Variants in EGFLAM observed in about 807,000 individuals in gnomAD.
EGFLAM encodes EGF like, fibronectin type III and laminin G domains.
In EGFLAM, 79 loss-of-function variants were observed where a neutral mutation model predicts 113.1. The observed-to-expected ratio is 0.70, with a 90% CI of 0.58 to 0.84. The LOEUF (loss-of-function observed/expected upper bound fraction) is 0.84, where lower values mean the gene tolerates loss of function less well. Ranked by LOEUF, EGFLAM falls within the 40% of genes least tolerant of loss-of-function variation. The pLI, the probability that EGFLAM is intolerant of heterozygous loss-of-function variation, is 0.00. For missense variants in EGFLAM, 1,265 were observed against 1,291.6 expected (o/e 0.98, Z 0.32); for synonymous variants, 504 against 487.6 (o/e 1.03, Z -0.44).
Position 38,418,055 on chromosome 5 carries a change from C to G in EGFLAM, c.1495-11C>G. ...AGTGAGAGTATTCATGAGTGGTCAT[C>G]TTTCTTAAAGGGCCAATACAGTAAA... is the stretch of plus-strand genomic sequence containing the variant. On this transcript the variant is annotated splice_polypyrimidine_tract_variant and intron_variant, in intron 11 of 21. Coordinates refer to ENST00000322350, the MANE Select transcript of EGFLAM (RefSeq NM_152403.4). The G allele has an allele frequency of 6.2e-7, 1 of 1,604,740 alleles. No homozygotes were observed. Among genetic ancestry groups the G allele is most frequent in the Non-Finnish European group, 8.5e-7 (1 of 1,174,584 alleles).
At chr5:38,354,703 C>T (rs1000031020) in intron 5 of EGFLAM, among the ~76,000 whole-genome samples, 5 of 152,144 alleles carry the variant, frequency 3.3e-5, no homozygotes, top group African/African-American at 1.2e-4. Context: ...GCACTCTAGC[C>T]TGGAGGACAG....
At chr5:38,279,931 G>C (rs898227636) in intron 1 of EGFLAM, among the ~76,000 whole-genome samples, 2 of 152,014 alleles carry the variant, frequency 1.3e-5, no homozygotes, top group Non-Finnish European at 2.9e-5. Flanking sequence ...AGATTTAACC[G>C]TTCCACAATG....
At chr5:38,351,490 C>T (rs1409493180) in intron 4 of EGFLAM, among the ~76,000 whole-genome samples, 1 of 152,146 alleles carries the variant, frequency 6.6e-6, no homozygotes, top group African/African-American at 2.4e-5. Context: ...CGGAGGCTTT[C>T]AGAAAAGTCC....
chr5:38,288,803 G>GA (rs1253094241), intron 1 of EGFLAM, among the ~76,000 whole-genome samples: 2 of 152,182 alleles, frequency 1.3e-5, no homozygotes, highest in African/African-American at 4.8e-5. Context: ...CCAAATTGTT[G>GA]AGCAACTGCT....
At chr5:38,419,826 G>A (rs559625855) in intron 12 of EGFLAM, among the ~76,000 whole-genome samples, 1 of 152,190 alleles carries the variant, frequency 6.6e-6, no homozygotes, top group East Asian at 1.9e-4. Flanking sequence ...TCAGGAGTTG[G>A]AGACCAGCCT....
chr5:38,433,988 G>A (rs1742267300), intron 15 of EGFLAM, among the ~76,000 whole-genome samples: 1 of 152,160 alleles, frequency 6.6e-6, no homozygotes, highest in African/African-American at 2.4e-5. Context: ...CTTCCTCCAT[G>A]ACTCGCCTGT....
At chr5:38,449,019 G>A (rs558546983) in intron 18 of EGFLAM, among the ~76,000 whole-genome samples, 8 of 152,174 alleles carry the variant, frequency 5.3e-5, no homozygotes, top group Non-Finnish European at 1.2e-4. Flanking sequence ...TGGAGTCCTC[G>A]CTCTTGGTTT....
chr5:38,294,266 C>T (rs1758403061), intron 1 of EGFLAM, among the ~76,000 whole-genome samples: 1 of 152,126 alleles, frequency 6.6e-6, no homozygotes, highest in Admixed American at 6.5e-5. Context: ...AGAGGGAAGC[C>T]CAAGTGTGCA....
chr5:38,444,322 G>C (rs1156229423), intron 17 of EGFLAM, among the ~76,000 whole-genome samples: 1 of 152,226 alleles, frequency 6.6e-6, no homozygotes, highest in Non-Finnish European at 1.5e-5. Flanking sequence ...GTAGAGAGAA[G>C]TGGGGAATAG....
At chr5:38,409,734 C>T (rs868172689) in intron 10 of EGFLAM, among the ~76,000 whole-genome samples, 4 of 152,266 alleles carry the variant, frequency 2.6e-5, no homozygotes, top group Middle Eastern at 6.8e-3. Context: ...GAGCCTCCAA[C>T]CTCCTATGGG....
At chr5:38,424,891 G>T in intron 12 of EGFLAM, 76 bp from the exon 13 acceptor site, 1 of 1,562,910 alleles carries the variant, frequency 6.4e-7, no homozygotes, top group South Asian at 1.2e-5. Context: ...ACCATGAGCT[G>T]CTGGTGGGGT....
chr5:38,385,287 C>G (rs1054903430), intron 6 of EGFLAM, among the ~76,000 whole-genome samples: 2 of 112,526 alleles, frequency 1.8e-5, no homozygotes, highest in African/African-American at 3.2e-5. Flanking sequence ...CACCCCCCCC[C>G]CCCGCCCCCG....
At position 38,267,579 on chromosome 5, in the gene EGFLAM, A is replaced by G. The variant is rs57262717; in HGVS notation, c.97+8728A>G. ...TGTAATTTATTTTTTAAGTACTTCAATATAAACAGTGACTCTACGAATTAC... is the reference window on the plus strand; with the variant it reads ...TGTAATTTATTTTTTAAGTACTTCAGTATAAACAGTGACTCTACGAATTAC... On this transcript the variant is annotated intron_variant, in intron 1 of 21. Transcript: ENST00000322350. Among the ~76,000 whole-genome samples, 1,007 of 152,324 alleles carry G rather than the reference A, an allele frequency of 6.6e-3. 11 individuals are homozygous for G. The highest frequency in any genetic ancestry group is 0.023 in the African/African-American group (971 of 41,582).
chr5:38,351,109 C>CTT (rs981908561), intron 4 of EGFLAM, among the ~76,000 whole-genome samples: 68 of 135,762 alleles, frequency 5.0e-4, no homozygotes, highest in African/African-American at 7.8e-4. Context: ...AGCAGCACTT[C>CTT]TTTTTTTTTT....
chr5:38,346,984 C>T (rs1297658035), intron 3 of EGFLAM, among the ~76,000 whole-genome samples: 5 of 151,830 alleles, frequency 3.3e-5, no homozygotes, highest in Non-Finnish European at 5.9e-5. Context: ...GAGGGAGGGG[C>T]AGACTGAAGA....
At chr5:38,348,049 T>TGAGAGA (rs59761113) in intron 3 of EGFLAM, among the ~76,000 whole-genome samples, 11 of 147,702 alleles carry the variant, frequency 7.4e-5, no homozygotes, top group African/African-American at 2.2e-4. Flanking sequence ...CCTTGGGTAA[T>TGAGAGA]GAGAGAGAGA....
intron 1 of EGFLAM, among the ~76,000 whole-genome samples, chr5:38,329,292 GATAAATAA>G (rs10523377): frequency 0.15 from 21,818 of 146,614 alleles, 1,918 homozygotes; most frequent in African/African-American, 0.23. Flanking sequence ...CTATCTCAAA[GATAAATAA>G]ATAAATAAAT....
At chr5:38,414,210 G>A (rs1383728985) in intron 11 of EGFLAM, among the ~76,000 whole-genome samples, 4 of 152,216 alleles carry the variant, frequency 2.6e-5, no homozygotes, top group African/African-American at 7.2e-5. Context: ...TAGTAAATGT[G>A]AATCCAGGGA....
In EGFLAM at chr5:38,332,610, A is replaced by G. The variant is rs374533210; in HGVS notation, c.98-4910A>G. Among the ~76,000 whole-genome samples, 49 of 152,358 alleles carry G rather than the reference A, an allele frequency of 3.2e-4. No individual in the cohort carries two copies. The East Asian group carries it at 6.8e-3, about 21-fold the overall frequency. ...AAGCCCCAAACAGAGATTTACCCAC[A>G]TATTTACTGACAGCAAGCCAGTGAT... On this transcript the variant is annotated intron_variant, in intron 1 of 21. Transcript: ENST00000322350.
Sources: allele counts gnomAD v4.1 joint callset (sites outside exome capture counted in the v4.1 genomes callset), GRCh38; gene constraint gnomAD v4.1.1; transcripts MANE v1.5; gene names NCBI Gene and HGNC (gene_info 2026-07-23, HGNC 2026-07-21).